Variants in YME1L1 observed in about 807,000 individuals in gnomAD.
The protein encoded by YME1L1 is YME1 like 1 ATPase, also known as ATP-dependent zinc metalloprotease YME1L1.
Under a neutral mutation model 90.4 loss-of-function variants are expected in YME1L1, and 39 were observed. That is an observed-to-expected ratio of 0.43 (90% CI 0.33 to 0.56). The LOEUF is 0.56. Among genes scored for constraint, YME1L1 ranks in the 20% least tolerant of loss-of-function variants. The pLI is 0.03. For missense variants in YME1L1, 617 were observed against 868.4 expected (o/e 0.71, Z 3.64); for synonymous variants, 284 against 287.3 (o/e 0.99, Z 0.12).
chr10:27,125,123 T>C (rs952513053), intron 9 of YME1L1, among the ~76,000 whole-genome samples: 21 of 152,166 alleles, frequency 1.4e-4, no homozygotes, highest in African/African-American at 3.9e-4. Context: ...AACTCAGCAA[T>C]TCCATTTCTA....
At chr10:27,121,260 C>A (rs948564731) in intron 12 of YME1L1, 126 bp downstream of exon 12, 1 of 680,314 alleles carries the variant, frequency 1.5e-6, no homozygotes, top group South Asian at 1.7e-5. Flanking sequence ...TGTGAATTTG[C>A]TTATTCTGGA....
chr10:27,111,973 G>A lies in YME1L1; in HGVS notation c.*4C>T. ...ACCAGCAAGCATCCATATCAAGAGA[G>A]TTATCATCTCACTTCCAACTTTTTC... is the stretch of plus-strand genomic sequence containing the variant. On this transcript the variant is annotated 3_prime_UTR_variant, in exon 19 of 19. Coordinates refer to ENST00000376016, the MANE Select transcript of YME1L1 (RefSeq NM_014263.4). 2 of 1,613,944 alleles carry A rather than the reference G, an allele frequency of 1.2e-6. No homozygotes were observed. The highest frequency in any genetic ancestry group is 2.2e-5 in the South Asian group (2 of 91,054).
chr10:27,115,323 C>CAT (rs576648719), intron 17 of YME1L1, among the ~76,000 whole-genome samples: 2 of 142,368 alleles, frequency 1.4e-5, no homozygotes, highest in African/African-American at 5.1e-5. Flanking sequence ...CATTTAAAAT[C>CAT]TTTTTTTTTT....
In YME1L1 at chr10:27,110,458, T is replaced by G. The variant is rs1028803697; in HGVS notation, c.*1519A>C. The G allele has an allele frequency of 5.9e-5, 9 of 152,172 alleles. No individual in the cohort carries two copies. The highest frequency in any genetic ancestry group is 1.0e-4 in the Non-Finnish European group (7 of 68,024). The allele number at this position is 152,172 out of a possible 1,614,324, so 9.4% of individuals were successfully genotyped here. A position where few individuals can be genotyped will look rare whatever the true frequency, so the allele number is the denominator to read the frequency against. Reference sequence around the variant, plus strand: ...GAAGACCATATACAGCTTAAATTATTAGGAAATTGTAGATAATTTTAATGA... The same window carrying G: ...GAAGACCATATACAGCTTAAATTATGAGGAAATTGTAGATAATTTTAATGA... On this transcript the variant is annotated 3_prime_UTR_variant, in exon 19 of 19. Transcript: ENST00000376016.
rs12782501 is a variant in YME1L1 at position 27,114,706 on chromosome 10, T to C, written c.1921-99A>G. On this transcript the variant is annotated intron_variant, in intron 17 of 18. Coordinates refer to ENST00000376016, the MANE Select transcript of YME1L1 (RefSeq NM_014263.4). ...TCCTATATATAAGGAAACAAATATA[T>C]GGGGGACAAGAAAGAAGTACAATAG... 73,175 of 802,560 alleles carry C rather than the reference T, an allele frequency of 0.091. 4,584 individuals are homozygous for C. Among genetic ancestry groups the C allele is most frequent in the East Asian group, 0.27 (9,876 of 36,330 alleles). The allele number at this position is 802,560 out of a possible 1,614,324, so 49.7% of individuals were successfully genotyped here. A position where few individuals can be genotyped will look rare whatever the true frequency, so the allele number is the denominator to read the frequency against.
At position 27,145,397 on chromosome 10, in the gene YME1L1, T is replaced by A. The variant is rs766939531; in HGVS notation, c.331+31A>T. On this transcript the variant is annotated intron_variant, in intron 3 of 18. Coordinates refer to ENST00000376016, the MANE Select transcript of YME1L1 (RefSeq NM_014263.4). Reference sequence around the variant, plus strand: ...TATAATTATTAATAGTGCTAAAATATTTAATTGGAACAAAAAACACATTAA... The same window carrying A: ...TATAATTATTAATAGTGCTAAAATAATTAATTGGAACAAAAAACACATTAA... The A allele has an allele frequency of 2.0e-6, 3 of 1,538,216 alleles. No homozygotes were observed. In the African/African-American group the frequency reaches 4.1e-5, roughly 21 times the overall value.
intron 4 of YME1L1, 146 bp downstream of exon 4, chr10:27,142,241 A>C: frequency 4.3e-6 from 2 of 460,498 alleles, no homozygotes; most frequent in Admixed American, 4.2e-5. Flanking sequence ...AATTATACAG[A>C]AGTACCCAAA....
chr10:27,133,889 T>C, intron 7 of YME1L1, 150 bp downstream of exon 7: 2 of 457,380 alleles, frequency 4.4e-6, no homozygotes, highest in Non-Finnish European at 7.7e-6. Flanking sequence ...TCTAAAAATC[T>C]GGGAAACTAA....
At chr10:27,151,202 G>GT (rs781398660) in intron 1 of YME1L1, among the ~76,000 whole-genome samples, 2 of 152,088 alleles carry the variant, frequency 1.3e-5, no homozygotes, top group African/African-American at 4.8e-5. Flanking sequence ...GATTACATGC[G>GT]TGAGTCCCCG....
At chr10:27,121,193 A>G (rs1433070109) in intron 12 of YME1L1, among the ~76,000 whole-genome samples, 193 bp downstream of exon 12, 1 of 152,194 alleles carries the variant, frequency 6.6e-6, no homozygotes, top group Non-Finnish European at 1.5e-5. Flanking sequence ...CCCATATCCA[A>G]TGACAGCCAT....
At chr10:27,144,359 T>C (rs2057120491) in intron 3 of YME1L1, among the ~76,000 whole-genome samples, 1 of 152,232 alleles carries the variant, frequency 6.6e-6, no homozygotes, top group Admixed American at 6.5e-5. Context: ...TTTATGCCCT[T>C]ACACTGAAAT....
intron 1 of YME1L1, among the ~76,000 whole-genome samples, chr10:27,150,971 A>G (rs67425403): frequency 0.25 from 34,211 of 137,076 alleles, 4,573 homozygotes; most frequent in East Asian, 0.58. Context: ...TGTCGCCCAG[A>G]CTGGAGTGCA....
chr10:27,140,066 C>T (rs2057071122), intron 4 of YME1L1, among the ~76,000 whole-genome samples: 1 of 152,042 alleles, frequency 6.6e-6, no homozygotes, highest in Non-Finnish European at 1.5e-5. Flanking sequence ...GAGGTGCCAT[C>T]TTGGCTCACT....
chr10:27,144,817 T>A (rs1288418656), intron 3 of YME1L1, among the ~76,000 whole-genome samples: 1 of 152,146 alleles, frequency 6.6e-6, no homozygotes, highest in Non-Finnish European at 1.5e-5. Context: ...TTTGTTGAAA[T>A]TCAAATAGTC....
In YME1L1 at chr10:27,123,141, A is replaced by G. The variant is rs2297143; in HGVS notation, c.1103-168T>C. Among the ~76,000 whole-genome samples the G allele has an allele frequency of 0.24, 36,607 of 152,050 alleles. 4,967 individuals are homozygous for G. The highest frequency in any genetic ancestry group is 0.56 in the East Asian group (2,908 of 5,168). On this transcript the variant is annotated intron_variant, in intron 10 of 18. Transcript: ENST00000376016. ...CTTAAAAATAGTATCTTCAGGGGGGAAAAAACTATACCAAAGAAATGATAT... is the reference window on the plus strand; with the variant it reads ...CTTAAAAATAGTATCTTCAGGGGGGGAAAAACTATACCAAAGAAATGATAT...
At chr10:27,142,861 G>A (rs1040759271) in intron 3 of YME1L1, among the ~76,000 whole-genome samples, 2 of 152,002 alleles carry the variant, frequency 1.3e-5, no homozygotes, top group Non-Finnish European at 1.5e-5. Flanking sequence ...GACTACAGGC[G>A]CCCGCCACCA....
intron 8 of YME1L1, among the ~76,000 whole-genome samples, 188 bp from the exon 9 acceptor site, chr10:27,126,974 T>C (rs927642511): frequency 2.8e-4 from 42 of 152,216 alleles, no homozygotes; most frequent in Non-Finnish European, 1.5e-5. Flanking sequence ...GACCATTATT[T>C]CCCATTATGC....
chr10:27,139,766 T>C (rs1341875726), intron 4 of YME1L1, among the ~76,000 whole-genome samples: 4 of 152,196 alleles, frequency 2.6e-5, no homozygotes, highest in African/African-American at 9.6e-5. Flanking sequence ...TTACACATAC[T>C]ACCTTGCAAT....
intron 9 of YME1L1, among the ~76,000 whole-genome samples, chr10:27,124,483 GCAA>G (rs1440663701): frequency 6.6e-6 from 1 of 151,952 alleles, no homozygotes; most frequent in Admixed American, 6.6e-5. Context: ...CATTTAAAAA[GCAA>G]CAAAACTTCT....
Sources: allele counts gnomAD v4.1 joint callset (sites outside exome capture counted in the v4.1 genomes callset), GRCh38; gene constraint gnomAD v4.1.1; transcripts MANE v1.5; gene names NCBI Gene and HGNC (gene_info 2026-07-23, HGNC 2026-07-21).